NME7: variants seen among roughly 807,000 people sequenced by gnomAD.
The protein encoded by NME7 is NME/NM23 family member 7, also known as nucleoside diphosphate kinase 7.
A neutral mutation model predicts 49.1 loss-of-function variants in NME7; 41 were observed. That is an observed-to-expected ratio of 0.83 (90% CI 0.65 to 1.08). The LOEUF is 1.08. Among genes scored for constraint, NME7 ranks in the 50% least tolerant of loss-of-function variants. NME7 has a pLI of 0.00. For synonymous variants in NME7, 139 were observed against 150.6 expected, an observed-to-expected ratio of 0.92 and a Z score of 0.56; for missense variants, 423 against 463.4, an observed-to-expected ratio of 0.91 and a Z score of 0.80.
chr1:169,188,288 G>A (rs968567287), intron 10 of NME7, among the ~76,000 whole-genome samples: 4 of 152,144 alleles, frequency 2.6e-5, no homozygotes, highest in Non-Finnish European at 2.9e-5. Context: ...TTGTTTGAAT[G>A]TGTGGGTGTT....
chr1:169,336,158 C>T (rs571135141), intron 1 of NME7, among the ~76,000 whole-genome samples: 10 of 151,542 alleles, frequency 6.6e-5, no homozygotes, highest in South Asian at 6.3e-4. Context: ...TAAGACAGCG[C>T]GTCCGGAGTT....
At chr1:169,184,271 G>A (rs1218151568) in intron 10 of NME7, among the ~76,000 whole-genome samples, 1 of 152,056 alleles carries the variant, frequency 6.6e-6, no homozygotes, top group Non-Finnish European at 1.5e-5. Context: ...CTATTGAAAT[G>A]AAGCAATCTT....
chr1:169,364,386 A>T (rs1439664124), intron 1 of NME7, among the ~76,000 whole-genome samples: 1 of 152,178 alleles, frequency 6.6e-6, no homozygotes, highest in African/African-American at 2.4e-5. Flanking sequence ...AAAGCTCTGA[A>T]TATCTGCATA....
intron 3 of NME7, among the ~76,000 whole-genome samples, chr1:169,313,310 C>T (rs1319115923): frequency 6.6e-6 from 1 of 151,494 alleles, no homozygotes; most frequent in Non-Finnish European, 1.5e-5. Context: ...ATTTGCAGTA[C>T]ATCATTGGGA....
At chr1:169,272,471 C>T (rs1649524889) in intron 7 of NME7, among the ~76,000 whole-genome samples, 1 of 110,734 alleles carries the variant, frequency 9.0e-6, no homozygotes, top group Admixed American at 9.1e-5. Context: ...CAGGCCGCAG[C>T]GTGTGTTGTT....
chr1:169,238,063 CAA>C (rs1013518176), intron 7 of NME7, among the ~76,000 whole-genome samples: 3 of 151,788 alleles, frequency 2.0e-5, no homozygotes, highest in Non-Finnish European at 4.4e-5. Flanking sequence ...GGAATTCAAA[CAA>C]GAGTTCAAAG....
At chr1:169,213,361 C>T (rs1281443744) in intron 10 of NME7, among the ~76,000 whole-genome samples, 1 of 131,784 alleles carries the variant, frequency 7.6e-6, no homozygotes, top group Non-Finnish European at 1.7e-5. Context: ...GAATGAACTG[C>T]ACAGGAGTAA....
intron 1 of NME7, among the ~76,000 whole-genome samples, chr1:169,331,747 A>G (rs1359862733): frequency 6.6e-6 from 1 of 152,018 alleles, no homozygotes; most frequent in Non-Finnish European, 1.5e-5. Flanking sequence ...ATACCTAAGA[A>G]TTAACAAAAG....
At chr1:169,171,806 GTTTT>G (rs35524440) in intron 10 of NME7, among the ~76,000 whole-genome samples, 2 of 145,258 alleles carry the variant, frequency 1.4e-5, no homozygotes, top group African/African-American at 5.1e-5. Flanking sequence ...ATTCCTGGCT[GTTTT>G]TTTTTTTTTC....
At chr1:169,353,720 T>C (rs1464749291) in intron 1 of NME7, among the ~76,000 whole-genome samples, 1 of 151,862 alleles carries the variant, frequency 6.6e-6, no homozygotes, top group South Asian at 2.1e-4. Flanking sequence ...AATCTAATAA[T>C]CTGACTAAAA....
chr1:169,287,221 T>C (rs1417913736), intron 7 of NME7, 82 bp downstream of exon 7: 1 of 1,141,082 alleles, frequency 8.8e-7, no homozygotes, highest in South Asian at 1.4e-5. Context: ...TATACTTTAT[T>C]TTCTATACAT....
chr1:169,351,020 C>A (rs990675138), intron 1 of NME7, among the ~76,000 whole-genome samples: 3 of 151,324 alleles, frequency 2.0e-5, no homozygotes, highest in Non-Finnish European at 4.4e-5. Context: ...TATTTCTTAA[C>A]CTATAGTAAG....
At chr1:169,281,173 T>C (rs903707899) in intron 7 of NME7, among the ~76,000 whole-genome samples, 2 of 152,156 alleles carry the variant, frequency 1.3e-5, no homozygotes, top group Non-Finnish European at 2.9e-5. Context: ...GTCCTTCATA[T>C]CCCTTGTAAG....
chr1:169,243,078 T>A (rs1648160069), intron 7 of NME7, among the ~76,000 whole-genome samples: 3 of 152,086 alleles, frequency 2.0e-5, no homozygotes, highest in Admixed American at 6.6e-5. Context: ...ATAAAGGAAC[T>A]AGAATAACTA....
intron 6 of NME7, among the ~76,000 whole-genome samples, chr1:169,293,401 G>T (rs542209954): frequency 6.6e-6 from 1 of 151,594 alleles, no homozygotes; most frequent in African/African-American, 2.4e-5. Flanking sequence ...AACTTAAGAA[G>T]TTAATTTACA....
chr1:169,203,405 C>T (rs777362279), intron 10 of NME7, among the ~76,000 whole-genome samples: 4 of 152,120 alleles, frequency 2.6e-5, no homozygotes, highest in Non-Finnish European at 2.9e-5. Context: ...TTTGTGTCCA[C>T]GCTCCTTAAT....
chr1:169,333,650 T>TA (rs1350520319), intron 1 of NME7, among the ~76,000 whole-genome samples: 10 of 150,774 alleles, frequency 6.6e-5, no homozygotes, highest in Non-Finnish European at 1.3e-4. Context: ...TTTAATATTT[T>TA]AAAAAAAAAG....
chr1:169,359,121 T>G (rs934151595), intron 1 of NME7, among the ~76,000 whole-genome samples: 1 of 152,080 alleles, frequency 6.6e-6, no homozygotes, highest in African/African-American at 2.4e-5. Context: ...TCAAGTCCCT[T>G]ACATACAATG....
chr1:169,332,582 A>G (rs1350365362), intron 1 of NME7, among the ~76,000 whole-genome samples: 1 of 152,196 alleles, frequency 6.6e-6, no homozygotes, highest in Non-Finnish European at 1.5e-5. Context: ...CTGACAAGGG[A>G]TTAATAACCA....
Sources: allele counts gnomAD v4.1 joint callset (sites outside exome capture counted in the v4.1 genomes callset), GRCh38; gene constraint gnomAD v4.1.1; transcripts MANE v1.5; gene names NCBI Gene and HGNC (gene_info 2026-07-23, HGNC 2026-07-21).